RBFOX1: variants seen among roughly 807,000 people sequenced by gnomAD.
RBFOX1 encodes RNA binding fox-1 homolog 1.
RBFOX1 carries 8 observed loss-of-function variants against 57.7 expected under a neutral mutation model. That is an observed-to-expected ratio of 0.14 (90% CI 0.08 to 0.25). The LOEUF (loss-of-function observed/expected upper bound fraction) is 0.25, where lower values mean the gene tolerates loss of function less well. Among genes scored for constraint, RBFOX1 ranks in the 10% least tolerant of loss-of-function variants. The probability of loss-of-function intolerance (pLI) is 1.00; values close to 1 mark genes in which losing one functional copy is unlikely to be tolerated. For synonymous variants in RBFOX1, 326 were observed against 222.4 expected (o/e 1.47, Z -4.15); for missense variants, 611 against 548.5 (o/e 1.11, Z -1.14).
At chr16:5,815,119 G>T (rs1395060087) in intron 3 of RBFOX1, among the ~76,000 whole-genome samples, 4 of 150,470 alleles carry the variant, frequency 2.7e-5, no homozygotes, top group South Asian at 4.2e-4. Flanking sequence ...CACTGGGACT[G>T]CAGGTGTGCA....
intron 4 of RBFOX1, among the ~76,000 whole-genome samples, chr16:7,059,259 G>C (rs2053502238): frequency 6.6e-6 from 1 of 152,066 alleles, no homozygotes; most frequent in Admixed American, 6.5e-5. Flanking sequence ...TCTTACGATA[G>C]CACGGAAGAA....
intron 3 of RBFOX1, among the ~76,000 whole-genome samples, chr16:6,825,513 C>T (rs772772139): frequency 6.6e-6 from 1 of 152,124 alleles, no homozygotes; most frequent in Non-Finnish European, 1.5e-5. Context: ...CAAAATGAAT[C>T]TCACTTTTTG....
intron 4 of RBFOX1, among the ~76,000 whole-genome samples, chr16:5,980,555 T>G (rs1170983869): frequency 6.6e-6 from 1 of 152,162 alleles, no homozygotes; most frequent in East Asian, 1.9e-4. Context: ...TCTCAGAAGT[T>G]AAGTAGAGAA....
intron 3 of RBFOX1, among the ~76,000 whole-genome samples, chr16:6,929,782 CT>C (rs1387984549): frequency 6.6e-6 from 1 of 152,030 alleles, no homozygotes; most frequent in East Asian, 1.9e-4. Flanking sequence ...TATCCTGTAG[CT>C]TTTTTTATTG....
intron 4 of RBFOX1, among the ~76,000 whole-genome samples, chr16:7,405,977 G>C (rs7193940): frequency 6.6e-6 from 1 of 151,920 alleles, no homozygotes; most frequent in Non-Finnish European, 1.5e-5. Flanking sequence ...CGAGTAGGTA[G>C]AGCCTGAGAT....
At chr16:7,022,525 G>A (rs1462267093) in intron 3 of RBFOX1, among the ~76,000 whole-genome samples, 3 of 152,026 alleles carry the variant, frequency 2.0e-5, no homozygotes. Flanking sequence ...TCCCTGTGAG[G>A]TCAGGAACTA....
intron 2 of RBFOX1, among the ~76,000 whole-genome samples, chr16:6,549,153 GA>G (rs1393535301): frequency 4.6e-5 from 1 of 21,944 alleles, no homozygotes; most frequent in Non-Finnish European, 9.0e-5. Context: ...AGGGAAGGAG[GA>G]GGGGGGGGGA....
intron 3 of RBFOX1, among the ~76,000 whole-genome samples, chr16:6,987,614 G>A (rs2090588189): frequency 6.6e-6 from 1 of 152,044 alleles, no homozygotes; most frequent in South Asian, 2.1e-4. Flanking sequence ...TTCATAAATG[G>A]AATTTCCATT....
At chr16:6,778,665 T>C (rs537754638) in intron 3 of RBFOX1, among the ~76,000 whole-genome samples, 1 of 152,184 alleles carries the variant, frequency 6.6e-6, no homozygotes, top group South Asian at 2.1e-4. Context: ...TAAAGAACTT[T>C]CCATTCATAT....
chr16:6,466,418 A>T (rs1172711405), intron 2 of RBFOX1, among the ~76,000 whole-genome samples: 3 of 152,142 alleles, frequency 2.0e-5, no homozygotes, highest in Non-Finnish European at 4.4e-5. Context: ...CACCACCTGA[A>T]GTAGTTGCTA....
At chr16:6,531,108 G>C (rs1362333) in intron 2 of RBFOX1, among the ~76,000 whole-genome samples, 96,774 of 151,784 alleles carry the variant, frequency 0.64, 30,964 homozygotes, top group Admixed American at 0.66. Context: ...TGACAGTCAA[G>C]TCACTTGTGC....
At chr16:7,316,579 A>C (rs1454933068) in intron 4 of RBFOX1, among the ~76,000 whole-genome samples, 1 of 152,186 alleles carries the variant, frequency 6.6e-6, no homozygotes, top group African/African-American at 2.4e-5. Context: ...TGGAGGTTAC[A>C]AGTCTGTGGG....
intron 4 of RBFOX1, among the ~76,000 whole-genome samples, chr16:7,146,765 A>G (rs528926155): frequency 1.3e-5 from 2 of 151,570 alleles, no homozygotes; most frequent in African/African-American, 4.8e-5. Context: ...CCTGGGACAC[A>G]TAGTGAGACC....
At chr16:5,386,398 G>C (rs561484164) in intron 1 of RBFOX1, among the ~76,000 whole-genome samples, 1 of 152,186 alleles carries the variant, frequency 6.6e-6, no homozygotes, top group African/African-American at 2.4e-5. Context: ...ATTAATGCAC[G>C]TGGCCCATCC....
At chr16:6,897,267 C>G (rs974999996) in intron 3 of RBFOX1, among the ~76,000 whole-genome samples, 1 of 152,088 alleles carries the variant, frequency 6.6e-6, no homozygotes, top group Non-Finnish European at 1.5e-5. Context: ...ACTAAAAATA[C>G]AAAAATTAGC....
intron 4 of RBFOX1, among the ~76,000 whole-genome samples, chr16:7,268,761 C>T (rs2095242179): frequency 6.6e-6 from 1 of 152,048 alleles, no homozygotes; most frequent in Non-Finnish European, 1.5e-5. Flanking sequence ...CGGCTGGGCA[C>T]AGTGGCTCAC....
intron 4 of RBFOX1, among the ~76,000 whole-genome samples, chr16:7,125,873 A>G (rs2068392014): frequency 6.6e-6 from 1 of 152,136 alleles, no homozygotes; most frequent in Admixed American, 6.5e-5. Flanking sequence ...ACCTGAGGTC[A>G]GGAGTTCAAG....
intron 4 of RBFOX1, among the ~76,000 whole-genome samples, chr16:7,161,196 A>T (rs530530097): frequency 6.6e-6 from 1 of 152,268 alleles, no homozygotes; most frequent in East Asian, 1.9e-4. Flanking sequence ...CAGCAGGACT[A>T]TGTGGATGAT....
chr16:7,306,064 T>C (rs1269256248), intron 4 of RBFOX1, among the ~76,000 whole-genome samples: 3 of 152,248 alleles, frequency 2.0e-5, no homozygotes, highest in African/African-American at 7.2e-5. Context: ...CTTTTACATT[T>C]ACTTCTTTCA....
Sources: gnomAD v4.1 joint callset for allele counts (sites outside exome capture counted in the v4.1 genomes callset) on GRCh38, gnomAD v4.1.1 for gene constraint, MANE v1.5 for transcripts, NCBI Gene and HGNC (gene_info 2026-07-23, HGNC 2026-07-21) for gene names.